Variants in GALNT13 observed in about 807,000 individuals in gnomAD.
The protein encoded by GALNT13 is UDP-GalNAc:polypeptide N-acetylgalactosaminyltransferase 13.
In GALNT13, 28 loss-of-function variants were observed where a neutral mutation model predicts 64.2. The observed-to-expected ratio is 0.44, with a 90% confidence interval of 0.32 to 0.60. The LOEUF (loss-of-function observed/expected upper bound fraction) is 0.60, where lower values mean the gene tolerates loss of function less well. Among genes scored for constraint, GALNT13 ranks in the 20% least tolerant of loss-of-function variants. GALNT13 has a pLI of 0.05. For missense variants in GALNT13, 577 were observed against 669.8 expected, an observed-to-expected ratio of 0.86 and a Z score of 1.53; for synonymous variants, 214 against 224.6, an observed-to-expected ratio of 0.95 and a Z score of 0.42.
the GALNT13 span, among the ~76,000 whole-genome samples, chr2:153,086,296 A>G: frequency 6.6e-6 from 1 of 152,170 alleles, no homozygotes; most frequent in African/African-American, 2.4e-5. Context: ...TTGGGAAGGC[A>G]TGATTGGTTT....
intron 12 of GALNT13, among the ~76,000 whole-genome samples, chr2:154,442,350 G>T (rs1449006669): frequency 6.6e-6 from 1 of 151,892 alleles, no homozygotes; most frequent in East Asian, 1.9e-4. Context: ...GCACTTCTTT[G>T]GTCAACTTTG....
At chr2:154,150,188 T>C (rs1020478558) in intron 4 of GALNT13, among the ~76,000 whole-genome samples, 8 of 152,236 alleles carry the variant, frequency 5.3e-5, no homozygotes, top group African/African-American at 1.9e-4. Flanking sequence ...GAGATAATCA[T>C]GTGGTTTTTG....
chr2:153,642,862 C>T, the GALNT13 span, among the ~76,000 whole-genome samples: 1 of 145,310 alleles, frequency 6.9e-6, no homozygotes, highest in Non-Finnish European at 1.5e-5. Flanking sequence ...TCTGATTAGA[C>T]CAGTTCTTCA....
chr2:154,014,671 C>T (rs1485709540), intron 3 of GALNT13, among the ~76,000 whole-genome samples: 2 of 69,846 alleles, frequency 2.9e-5, no homozygotes, highest in African/African-American at 1.0e-4. Flanking sequence ...CTTGTGCTTT[C>T]TCCCAGGCTG....
At chr2:153,085,322 G>A in the GALNT13 span, among the ~76,000 whole-genome samples, 3 of 152,200 alleles carry the variant, frequency 2.0e-5, no homozygotes, top group Non-Finnish European at 2.9e-5. Flanking sequence ...GTAACAAGGA[G>A]CTGGATGTTA....
chr2:154,002,605 C>A (rs1574305857), intron 3 of GALNT13, among the ~76,000 whole-genome samples: 2 of 151,984 alleles, frequency 1.3e-5, no homozygotes, highest in South Asian at 4.2e-4. Flanking sequence ...GAGTATTATT[C>A]TGAATTCTTT....
At chr2:153,729,094 T>C in the GALNT13 span, among the ~76,000 whole-genome samples, 2 of 152,260 alleles carry the variant, frequency 1.3e-5, no homozygotes, top group South Asian at 2.1e-4. Context: ...TCTGAAACTG[T>C]TCTCCGCAAT....
the GALNT13 span, among the ~76,000 whole-genome samples, chr2:153,475,909 C>T: frequency 3.9e-5 from 6 of 152,170 alleles, no homozygotes; most frequent in Non-Finnish European, 8.8e-5. Context: ...AGCAGATTAA[C>T]TCGGTGCCAC....
In GALNT13 at chr2:154,242,921, T is replaced by G; in HGVS notation, c.686+16T>G. On this transcript the variant is annotated intron_variant, in intron 6 of 12. Coordinates refer to ENST00000392825, the MANE Select transcript of GALNT13 (RefSeq NM_052917.4). ...AGGAAGACAGGTAAGAATTTATGTG[T>G]TCTGTCTGCCTGGGTTATGACTGAA... 2 of 1,604,918 alleles carry G rather than the reference T, an allele frequency of 1.2e-6. No individual in the cohort carries two copies. The highest frequency in any genetic ancestry group is 1.7e-6 in the Non-Finnish European group (2 of 1,172,250).
At chr2:153,453,398 A>G in the GALNT13 span, among the ~76,000 whole-genome samples, 3 of 152,218 alleles carry the variant, frequency 2.0e-5, no homozygotes, top group South Asian at 2.1e-4. Context: ...TCTGGAATCC[A>G]TAAGGAACTT....
the GALNT13 span, among the ~76,000 whole-genome samples, chr2:153,671,411 A>C: frequency 6.6e-6 from 1 of 152,096 alleles, no homozygotes; most frequent in Non-Finnish European, 1.5e-5. Context: ...ATTCTTAAAG[A>C]AAGGAATTTT....
At chr2:154,158,593 G>C (rs961793253) in intron 4 of GALNT13, among the ~76,000 whole-genome samples, 1 of 152,044 alleles carries the variant, frequency 6.6e-6, no homozygotes, top group African/African-American at 2.4e-5. Context: ...CTGTTAAATT[G>C]TAAATCAGTT....
the GALNT13 span, among the ~76,000 whole-genome samples, chr2:153,180,263 T>C: frequency 1.3e-5 from 2 of 152,180 alleles, no homozygotes; most frequent in African/African-American, 4.8e-5. Flanking sequence ...CTAATAATTT[T>C]TCTCCATCTA....
In GALNT13 at chr2:153,944,607, A is replaced by G. The variant is rs186038567; in HGVS notation, c.110A>G (p.Lys37Arg). 1 of 1,613,494 alleles carries G rather than the reference A, an allele frequency of 6.2e-7. No individual in the cohort carries two copies. The highest frequency in any genetic ancestry group is 8.5e-7 in the Non-Finnish European group (1 of 1,179,598). Residue 37 changes from lysine to arginine, a missense_variant, in exon 3 of 13, where the codon AAG becomes AGG. Lys to Arg is a conservative substitution (Grantham distance 26). Coordinates refer to ENST00000392825, the MANE Select transcript of GALNT13 (RefSeq NM_052917.4). ...AGTGAATGTAACAAATGTGATGACA[A>G]GAAGGAGAGATCTCTGCTGCCTGCA... ...YFSECNKCDD[K>R]KERSLLPALR...
At chr2:153,595,537 C>T in the GALNT13 span, among the ~76,000 whole-genome samples, 1 of 151,624 alleles carries the variant, frequency 6.6e-6, no homozygotes, top group Non-Finnish European at 1.5e-5. Context: ...TTTCATAAAG[C>T]CATTAAATTC....
At chr2:153,286,573 G>A in the GALNT13 span, among the ~76,000 whole-genome samples, 1 of 152,070 alleles carries the variant, frequency 6.6e-6, no homozygotes, top group Non-Finnish European at 1.5e-5. Context: ...ATCTTGCATA[G>A]GTCTAGAAAT....
chr2:153,191,626 G>A, the GALNT13 span, among the ~76,000 whole-genome samples: 1 of 151,828 alleles, frequency 6.6e-6, no homozygotes, highest in East Asian at 1.9e-4. Flanking sequence ...TTTTGGACTA[G>A]TTTGAGGAGC....
chr2:153,854,513 G>A, the GALNT13 span, among the ~76,000 whole-genome samples: 1,607 of 152,040 alleles, frequency 0.011, 26 homozygotes, highest in African/African-American at 0.036. Context: ...CCCGGGAGGT[G>A]GAGGTTGCAG....
the GALNT13 span, among the ~76,000 whole-genome samples, chr2:153,329,447 T>C: frequency 6.6e-6 from 1 of 152,246 alleles, no homozygotes; most frequent in African/African-American, 2.4e-5. Context: ...TATTGCTTTT[T>C]GACTTTCTTA....
Sources: gnomAD v4.1 joint callset for allele counts (sites outside exome capture counted in the v4.1 genomes callset) on GRCh38, gnomAD v4.1.1 for gene constraint, MANE v1.5 for transcripts, NCBI Gene and HGNC (gene_info 2026-07-23, HGNC 2026-07-21) for gene names.